Variants in TACC2 observed in about 807,000 individuals in gnomAD.
TACC2 encodes the protein transforming acidic coiled-coil-containing protein 2.
A neutral mutation model predicts 227.3 loss-of-function variants in TACC2; 137 were observed. The ratio of observed to expected loss-of-function variants is 0.60; its 90% CI spans 0.52 to 0.69. The LOEUF is 0.69. TACC2 is among the 30% of genes least tolerant of loss of function. The pLI is 0.00. For missense variants in TACC2, 3,470 were observed against 3,694.4 expected (o/e 0.94, Z 1.57); for synonymous variants, 1,523 against 1,487.5 (o/e 1.02, Z -0.55).
Position 122,216,834 on chromosome 10 carries a change from C to T in TACC2, c.7546+6C>T. The T allele has an allele frequency of 6.2e-7, 1 of 1,614,178 alleles. No individual in the cohort carries two copies. Among genetic ancestry groups the T allele is most frequent in the Non-Finnish European group, 8.5e-7 (1 of 1,180,018 alleles). ...ATTCAGTTCACCCACTGAGGGTAAG[C>T]AACTCTGTAGCCAGCTGGACCCCCA... On this transcript the variant is annotated splice_donor_region_variant and intron_variant, in intron 11 of 22. Coordinates refer to ENST00000369005, the MANE Select transcript of TACC2 (RefSeq NM_206862.4).
intron 1 of TACC2, among the ~76,000 whole-genome samples, chr10:122,012,217 T>A (rs1276996470): frequency 6.6e-6 from 1 of 151,648 alleles, no homozygotes; most frequent in East Asian, 2.0e-4. Flanking sequence ...GTCAGGAGAT[T>A]GAGACAATCC....
At chr10:122,248,978 C>A (rs916095426) in intron 20 of TACC2, 72 bp from the exon 21 acceptor site, 1 of 1,513,604 alleles carries the variant, frequency 6.6e-7, no homozygotes. Flanking sequence ...TCCGAGAGTT[C>A]CTGGGGTTCC....
At chr10:122,061,230 G>C (rs2076780074) in intron 3 of TACC2, among the ~76,000 whole-genome samples, 1 of 128,220 alleles carries the variant, frequency 7.8e-6, no homozygotes, top group Admixed American at 9.7e-5. Context: ...AGAATGGCGT[G>C]AACCCGGGAG....
At chr10:122,208,695 C>T (rs1220552672) in intron 8 of TACC2, among the ~76,000 whole-genome samples, 1 of 152,202 alleles carries the variant, frequency 6.6e-6, no homozygotes, top group African/African-American at 2.4e-5. Flanking sequence ...ATCAGCTGAA[C>T]ATCCTGTCCT....
intron 7 of TACC2, among the ~76,000 whole-genome samples, chr10:122,188,656 T>C (rs1308948099): frequency 6.6e-6 from 1 of 152,180 alleles, no homozygotes; most frequent in Non-Finnish European, 1.5e-5. Flanking sequence ...CACCTGGCCA[T>C]AACCCAGGCA....
chr10:122,003,418 T>C (rs1006758700), intron 1 of TACC2, among the ~76,000 whole-genome samples: 8 of 152,162 alleles, frequency 5.3e-5, no homozygotes, highest in African/African-American at 1.9e-4. Flanking sequence ...ATGCAATGAA[T>C]TTTCCTCTGA....
At chr10:122,136,512 T>C (rs2089664474) in intron 6 of TACC2, among the ~76,000 whole-genome samples, 1 of 143,428 alleles carries the variant, frequency 7.0e-6, no homozygotes, top group Non-Finnish European at 1.5e-5. Flanking sequence ...TGAATATATA[T>C]ATATATGTGT....
chr10:122,198,314 C>T (rs779852993), intron 8 of TACC2, among the ~76,000 whole-genome samples: 5 of 152,062 alleles, frequency 3.3e-5, no homozygotes, highest in Admixed American at 6.5e-5. Context: ...CTCATCTGAA[C>T]GCAGTTCCCT....
chr10:122,102,099 C>A (rs1002460135), intron 5 of TACC2, among the ~76,000 whole-genome samples: 7 of 151,934 alleles, frequency 4.6e-5, no homozygotes, highest in Admixed American at 4.6e-4. Flanking sequence ...GACGCTTCAC[C>A]CGTCGGTTTG....
chr10:122,183,075 C>T (rs1021760251), intron 7 of TACC2, among the ~76,000 whole-genome samples: 1 of 152,088 alleles, frequency 6.6e-6, no homozygotes, highest in East Asian at 1.9e-4. Flanking sequence ...CGTGGTGGCA[C>T]GTGCCTGTAA....
At chr10:122,115,925 A>G (rs2084623462) in intron 5 of TACC2, among the ~76,000 whole-genome samples, 1 of 152,208 alleles carries the variant, frequency 6.6e-6, no homozygotes, top group African/African-American at 2.4e-5. Flanking sequence ...CTAGAGGAGC[A>G]TAGAGATGGC....
Position 122,085,874 on chromosome 10 carries a change from G to GTGAA in TACC2, c.3375_3378dup (p.Ala1127Ter). On this transcript the variant is annotated frameshift_variant, in exon 4 of 23. Coordinates refer to ENST00000369005, the MANE Select transcript of TACC2 (RefSeq NM_206862.4). LOFTEE classifies it high-confidence loss of function. Reference sequence around the variant, plus strand: ...TTCCCATCAGCTGGGGAGCAAGGTGGTGAAGCCGGGGCTGCTGAGACTGGT... The same window carrying GTGAA: ...TTCCCATCAGCTGGGGAGCAAGGTGGTGAATGAAGCCGGGGCTGCTGAGACTGGT... The GTGAA allele has an allele frequency of 1.9e-6, 3 of 1,613,310 alleles. No homozygotes were observed. Among genetic ancestry groups the GTGAA allele is most frequent in the Non-Finnish European group, 2.5e-6 (3 of 1,179,652 alleles).
chr10:122,115,956 T>C (rs1213608721), intron 5 of TACC2, among the ~76,000 whole-genome samples: 1 of 152,114 alleles, frequency 6.6e-6, no homozygotes, highest in African/African-American at 2.4e-5. Context: ...GGTGCCCTCA[T>C]TTATCCCCTT....
rs778307131 is a variant in TACC2 at position 122,087,294 on chromosome 10, G to A, written c.4794G>A (p.Lys1598=). 3 of 1,613,926 alleles carry A rather than the reference G, an allele frequency of 1.9e-6. No homozygotes were observed. The highest frequency in any genetic ancestry group is 2.5e-6 in the Non-Finnish European group (3 of 1,180,036). ...CCCAAGACAGAATTCCTTCTGGAAA[G>A]CAGCACCAGGAAACATCTGCCTGCG... ...AVAQDRIPSG[K]QHQETSACDS... Residue 1598 remains lysine (K), a synonymous_variant, in exon 4 of 23, where the codon AAG becomes AAA. Coordinates refer to ENST00000369005, the MANE Select transcript of TACC2 (RefSeq NM_206862.4).
Position 122,209,897 on chromosome 10 carries a change from G to A in TACC2, c.5972-500G>A, listed in dbSNP as rs1353477539. On this transcript the variant is annotated intron_variant, in intron 8 of 22. Coordinates refer to ENST00000369005, the MANE Select transcript of TACC2 (RefSeq NM_206862.4). The surrounding 1 kb of genome is among the most constrained non-coding windows in gnomAD (Gnocchi z 4.5). ...AGTAGAGACTGGGTTTCACCATGAT[G>A]ACCAGGCTGGTCTCAAACTCCTGAC... 1 of 160,524 alleles carries A rather than the reference G, an allele frequency of 6.2e-6. No individual in the cohort carries two copies. Among genetic ancestry groups the A allele is most frequent in the African/African-American group, 2.4e-5 (1 of 41,530 alleles). 9.9% of individuals were successfully genotyped at this position (160,524 alleles called of 1,614,324 possible).
At chr10:122,095,392 G>A (rs528456071) in intron 5 of TACC2, among the ~76,000 whole-genome samples, 5 of 152,254 alleles carry the variant, frequency 3.3e-5, no homozygotes, top group African/African-American at 1.2e-4. Flanking sequence ...CCCTTACAGC[G>A]CTGTTAAAAT....
At chr10:122,176,582 AT>A (rs144013234) in intron 7 of TACC2, among the ~76,000 whole-genome samples, 11,351 of 151,688 alleles carry the variant, frequency 0.075, 555 homozygotes, top group African/African-American at 0.15. Flanking sequence ...ACAAATATAG[AT>A]TTTTTTTTCT....
At chr10:122,035,204 A>G (rs766579272) in intron 2 of TACC2, among the ~76,000 whole-genome samples, 2 of 152,130 alleles carry the variant, frequency 1.3e-5, no homozygotes, top group African/African-American at 2.4e-5. Context: ...CCTCAGTCAC[A>G]AGCTCCCACG....
intron 5 of TACC2, among the ~76,000 whole-genome samples, chr10:122,102,854 C>A (rs1473380845): frequency 6.6e-6 from 1 of 152,182 alleles, no homozygotes; most frequent in African/African-American, 2.4e-5. Flanking sequence ...CAGAGCTGCC[C>A]CCACACATTT....
Sources: gnomAD v4.1 joint callset for allele counts (sites outside exome capture counted in the v4.1 genomes callset) on GRCh38, gnomAD v4.1.1 for gene constraint, Gnocchi (gnomAD v3.1) non-coding constraint, MANE v1.5 for transcripts, NCBI Gene and HGNC (gene_info 2026-07-23, HGNC 2026-07-21) for gene names.